The following CSMD1 variants were observed in gnomAD, a reference collection of about 807,000 sequenced individuals.
CSMD1 encodes the protein CUB and sushi domain-containing protein 1.
Under a neutral mutation model 417.5 loss-of-function variants are expected in CSMD1, and 213 were observed. The ratio of observed to expected loss-of-function variants is 0.51; its 90% confidence interval spans 0.46 to 0.57. CSMD1 has a LOEUF of 0.57. Among genes scored for constraint, CSMD1 ranks in the 20% least tolerant of loss-of-function variants. The pLI is 0.00. For synonymous variants in CSMD1, 2,862 were observed against 1,736.8 expected (o/e 1.65, Z -16.11); for missense variants, 6,923 against 4,529.7 (o/e 1.53, Z -15.17).
chr8:4,030,034 T>C (rs1797260755), intron 4 of CSMD1, among the ~76,000 whole-genome samples: 1 of 152,144 alleles, frequency 6.6e-6, no homozygotes, highest in African/African-American at 2.4e-5. Flanking sequence ...GCTCCAACAG[T>C]CTTGGGCAGG....
At chr8:4,703,734 G>T (rs559438504) in intron 1 of CSMD1, among the ~76,000 whole-genome samples, 2 of 152,104 alleles carry the variant, frequency 1.3e-5, no homozygotes, top group African/African-American at 2.4e-5. Context: ...AAATCTTAAA[G>T]TGATTTTACT....
At chr8:3,315,859 C>A (rs1019061071) in intron 23 of CSMD1, among the ~76,000 whole-genome samples, 2 of 152,116 alleles carry the variant, frequency 1.3e-5, no homozygotes, top group Non-Finnish European at 2.9e-5. Context: ...TTTAATGAGT[C>A]AATCTTGAAA....
At chr8:3,966,367 T>C (rs1175590321) in intron 5 of CSMD1, among the ~76,000 whole-genome samples, 1 of 152,164 alleles carries the variant, frequency 6.6e-6, no homozygotes, top group Non-Finnish European at 1.5e-5. Context: ...TTTATAAACA[T>C]CCAAGTCTTG....
chr8:4,891,137 G>A (rs991815450), intron 1 of CSMD1, among the ~76,000 whole-genome samples: 2 of 152,142 alleles, frequency 1.3e-5, no homozygotes, highest in African/African-American at 4.8e-5. Flanking sequence ...TGATGCCACG[G>A]TATGAACTCT....
At chr8:3,306,831 TTTAAAAATATTACAGAGC>T (rs1260332865) in intron 25 of CSMD1, among the ~76,000 whole-genome samples, 4 of 27,968 alleles carry the variant, frequency 1.4e-4, no homozygotes, top group Non-Finnish European at 3.3e-4. Context: ...AAGAGCTTAC[TTTAAAAATATTACAGAGC>T]TTACTTTAAA....
At chr8:3,909,066 C>T (rs1405108979) in intron 5 of CSMD1, among the ~76,000 whole-genome samples, 4 of 152,106 alleles carry the variant, frequency 2.6e-5, no homozygotes, top group African/African-American at 9.7e-5. Flanking sequence ...GCTGAGAAGG[C>T]CTTTGGAGAA....
At chr8:4,116,653 T>C (rs555842255) in intron 3 of CSMD1, among the ~76,000 whole-genome samples, 2 of 150,498 alleles carry the variant, frequency 1.3e-5, no homozygotes, top group South Asian at 2.1e-4. Context: ...ACGTAAGCTG[T>C]ACACATCCGA....
At chr8:3,634,164 C>G (rs181789644) in intron 7 of CSMD1, among the ~76,000 whole-genome samples, 1 of 152,134 alleles carries the variant, frequency 6.6e-6, no homozygotes, top group South Asian at 2.1e-4. Flanking sequence ...AATGTCCTAG[C>G]TTATGAGAGT....
At chr8:4,479,593 C>A (rs1040354871) in intron 2 of CSMD1, among the ~76,000 whole-genome samples, 3 of 152,080 alleles carry the variant, frequency 2.0e-5, no homozygotes, top group Admixed American at 6.6e-5. Context: ...TTTTAGTTGA[C>A]TGCTTTAAAA....
chr8:4,317,572 T>A (rs528560349), intron 3 of CSMD1, among the ~76,000 whole-genome samples: 2 of 152,046 alleles, frequency 1.3e-5, no homozygotes, highest in Admixed American at 6.6e-5. Flanking sequence ...CCAAGTTAAG[T>A]GTCAGTACTC....
chr8:3,689,173 T>C (rs1308074819), intron 7 of CSMD1, among the ~76,000 whole-genome samples: 1 of 152,158 alleles, frequency 6.6e-6, no homozygotes, highest in Non-Finnish European at 1.5e-5. Flanking sequence ...GTTGGGAACA[T>C]GTCATGACTT....
At chr8:3,165,420 TTTTA>T (rs927454836) in intron 37 of CSMD1, among the ~76,000 whole-genome samples, 8 of 151,918 alleles carry the variant, frequency 5.3e-5, no homozygotes, top group East Asian at 1.9e-4. Flanking sequence ...AATTTTTATT[TTTTA>T]TTTATTTATT....
intron 3 of CSMD1, among the ~76,000 whole-genome samples, chr8:4,164,848 G>A (rs1271026894): frequency 1.3e-5 from 2 of 149,516 alleles, no homozygotes; most frequent in African/African-American, 5.0e-5. Flanking sequence ...TGCACTCCAA[G>A]CCTGAGCAAC....
intron 37 of CSMD1, among the ~76,000 whole-genome samples, chr8:3,179,738 C>G (rs72621196): frequency 0.12 from 18,397 of 152,168 alleles, 1,498 homozygotes; most frequent in South Asian, 0.24. Flanking sequence ...ATAAACAAGG[C>G]TTATGTTTTT....
chr8:3,113,406 G>C (rs987534554), intron 42 of CSMD1: 3 of 152,292 alleles, frequency 2.0e-5, no homozygotes, highest in Non-Finnish European at 2.9e-5. Flanking sequence ...GGGCAAGACA[G>C]TGAAGGAGGG....
intron 2 of CSMD1, among the ~76,000 whole-genome samples, chr8:4,636,470 A>T (rs1802816201): frequency 2.6e-5 from 4 of 152,134 alleles, no homozygotes. Context: ...TTGTTCCCTC[A>T]CCCACCTCCT....
chr8:3,506,376 G>C (rs761440458), intron 10 of CSMD1, among the ~76,000 whole-genome samples: 3 of 152,162 alleles, frequency 2.0e-5, no homozygotes, highest in Non-Finnish European at 2.9e-5. Flanking sequence ...GAACACTGGA[G>C]GTAGGGGAGT....
intron 50 of CSMD1, among the ~76,000 whole-genome samples, chr8:3,044,015 G>A (rs910283606): frequency 6.6e-6 from 1 of 152,148 alleles, no homozygotes; most frequent in African/African-American, 2.4e-5. Flanking sequence ...GGAAAAAAAA[G>A]CACTAAAATC....
Position 4,637,533 on chromosome 8 carries a change from C to T in CSMD1, c.111G>A (p.Gln37=). Residue 37 remains glutamine, a synonymous_variant, in exon 2 of 70, where the codon CAG becomes CAA. Coordinates refer to ENST00000635120, the MANE Select transcript of CSMD1 (RefSeq NM_033225.6). ...GGCTCTCAATAGTGCCATTGGGACC[C>T]TGGACTAAGCCTCCACAGTTCTGAC... ...AKGQNCGGLV[Q]GPNGTIESPG... 3 of 1,613,698 alleles carry T rather than the reference C, an allele frequency of 1.9e-6. No homozygotes were observed. Among genetic ancestry groups the T allele is most frequent in the Non-Finnish European group, 2.5e-6 (3 of 1,179,756 alleles).
Sources: allele counts gnomAD v4.1 joint callset (sites outside exome capture counted in the v4.1 genomes callset), GRCh38; gene constraint gnomAD v4.1.1; transcripts MANE v1.5; gene names NCBI Gene and HGNC (gene_info 2026-07-23, HGNC 2026-07-21).